The following ERICH3 variants were observed in gnomAD, a reference collection of about 807,000 sequenced individuals.
The protein encoded by ERICH3 is glutamate rich 3, also known as glutamate-rich protein 3.
In ERICH3, 126 loss-of-function variants were observed where a neutral mutation model predicts 131.1. The ratio of observed to expected loss-of-function variants is 0.96; its 90% CI spans 0.83 to 1.11. ERICH3 has a LOEUF of 1.11. ERICH3 is among the 50% of genes most tolerant of loss of function. The probability of loss-of-function intolerance (pLI) is 0.00; values close to 1 mark genes in which losing one functional copy is unlikely to be tolerated. For synonymous variants in ERICH3, 695 were observed against 644.6 expected, an observed-to-expected ratio of 1.08 and a Z score of -1.18; for missense variants, 2,050 against 1,810.7, an observed-to-expected ratio of 1.13 and a Z score of -2.40.
At chr1:74,575,306 A>C (rs1179433793) in intron 13 of ERICH3, among the ~76,000 whole-genome samples, 3 of 152,228 alleles carry the variant, frequency 2.0e-5, no homozygotes, top group Non-Finnish European at 4.4e-5. Context: ...TGTGTTTGGA[A>C]GGTAATTTGT....
Position 74,579,466 on chromosome 1 carries a change from G to A in ERICH3, c.2177-2530C>T, listed in dbSNP as rs186372032. 1.9e-4 allele frequency: 190 copies of A among 985,308 alleles called. No homozygotes were observed. The African/African-American group carries it at 2.9e-3, about 15-fold the overall frequency. The allele number at this position is 985,308 out of a possible 1,614,324, so 61.0% of individuals were successfully genotyped here. On this transcript the variant is annotated intron_variant, in intron 12 of 14. Coordinates refer to ENST00000326665, the MANE Select transcript of ERICH3 (RefSeq NM_001002912.5). Reference sequence around the variant, plus strand: ...AGGGATGTTATCACCACTTGCCCACGTCTGCTGGCTTGCCCCTGGAGGATT... The same window carrying A: ...AGGGATGTTATCACCACTTGCCCACATCTGCTGGCTTGCCCCTGGAGGATT...
intron 8 of ERICH3, 57 bp from the exon 9 acceptor site, chr1:74,612,866 T>A: frequency 7.2e-7 from 1 of 1,392,754 alleles, no homozygotes; most frequent in Non-Finnish European, 9.8e-7. Context: ...CTAACATCTG[T>A]TAAATCATGT....
rs1166914048 is a variant in ERICH3, at chr1:74,673,494, T to C, written c.23+3A>G. 6.2e-7 allele frequency: 1 copy of C among 1,612,962 alleles called. No homozygotes were observed. The highest frequency in any genetic ancestry group is 8.5e-7 in the Non-Finnish European group (1 of 1,179,642). Reference sequence around the variant, plus strand: ...GCGTGGAAAAGCTCCAGTTGTCACTTACCCAGCGGGGTGAGAATGGCTCAT... The same window carrying C: ...GCGTGGAAAAGCTCCAGTTGTCACTCACCCAGCGGGGTGAGAATGGCTCAT... On this transcript the variant is annotated splice_donor_region_variant and intron_variant, in intron 1 of 14. Transcript: ENST00000326665.
In ERICH3 at chr1:74,573,071, G is replaced by A. The variant is rs895625895; in HGVS notation, c.2639C>T (p.Ala880Val). The change falls in exon 14 of 15, where the codon GCC (alanine) becomes GTC (valine). Residue 880 changes from alanine to valine, a missense_variant. Transcript: ENST00000326665. ...LSKDEAPEKQALMLTVLETDK... is the reference protein window; with the variant it reads ...LSKDEAPEKQVLMLTVLETDK... ...TGTCTCAAGCACTGTGAGCATCAAG[G>A]CTTGCTTTTCAGGAGCCTCATCTTT... The A allele has an allele frequency of 1.9e-6, 3 of 1,614,014 alleles. No individual in the cohort carries two copies. Among genetic ancestry groups the A allele is most frequent in the African/African-American group, 2.7e-5 (2 of 74,930 alleles).
chr1:74,628,754 G>T (rs1265051930), intron 7 of ERICH3, among the ~76,000 whole-genome samples: 2 of 151,836 alleles, frequency 1.3e-5, no homozygotes, highest in African/African-American at 2.4e-5. Context: ...AGACAAAATA[G>T]ATTTTAAGAC....
chr1:74,629,925 T>C (rs1407417214), intron 7 of ERICH3, among the ~76,000 whole-genome samples: 3 of 152,030 alleles, frequency 2.0e-5, no homozygotes, highest in Non-Finnish European at 2.9e-5. Flanking sequence ...AATTAAAGAA[T>C]GATGGGGCAG....
At chr1:74,604,357 CCTT>C (rs1386220152) in intron 10 of ERICH3, among the ~76,000 whole-genome samples, 1 of 151,910 alleles carries the variant, frequency 6.6e-6, no homozygotes, top group Non-Finnish European at 1.5e-5. Flanking sequence ...AATAAAATCA[CCTT>C]CTTTCAAACT....
intron 1 of ERICH3, among the ~76,000 whole-genome samples, chr1:74,654,980 T>C (rs1282399753): frequency 6.6e-6 from 1 of 152,094 alleles, no homozygotes; most frequent in Non-Finnish European, 1.5e-5. Flanking sequence ...ATCCACCCAA[T>C]TCTCCACTAC....
intron 3 of ERICH3, among the ~76,000 whole-genome samples, chr1:74,645,048 A>G (rs1365714797): frequency 6.6e-6 from 1 of 151,800 alleles, no homozygotes; most frequent in East Asian, 1.9e-4. Context: ...GGTCTGGAAC[A>G]CCTTTCCCAC....
Position 74,572,368 on chromosome 1 carries a change from C to G in ERICH3, c.3342G>C (p.Glu1114Asp), listed in dbSNP as rs752199834. Reference sequence around the variant, plus strand: ...CCATTTCATTTGGGGGAGCTTTTGTCTCTTCCTCAGCTCTTACTTCTGTCT... The same window carrying G: ...CCATTTCATTTGGGGGAGCTTTTGTGTCTTCCTCAGCTCTTACTTCTGTCT... Reference protein sequence around the residue: ...ETETEVRAEEETKAPPNEMGS... With the variant: ...ETETEVRAEEDTKAPPNEMGS... The change falls in exon 14 of 15, where the codon GAG becomes GAC. Residue 1114 changes from glutamate (E) to aspartate (D), a missense_variant. Physicochemically the swap from Glu to Asp is conservative, Grantham distance 45. Transcript: ENST00000326665. 1 of 1,613,766 alleles carries G rather than the reference C, an allele frequency of 6.2e-7. No homozygotes were observed. Among genetic ancestry groups the G allele is most frequent in the South Asian group, 1.1e-5 (1 of 91,070 alleles).
chr1:74,597,441 T>G (rs902574389), intron 11 of ERICH3, among the ~76,000 whole-genome samples: 1 of 151,774 alleles, frequency 6.6e-6, no homozygotes, highest in African/African-American at 2.4e-5. Context: ...CAAAAGAAAA[T>G]AGCTAGCCAA....
At chr1:74,594,108 G>A (rs1481328977) in intron 11 of ERICH3, among the ~76,000 whole-genome samples, 1 of 152,018 alleles carries the variant, frequency 6.6e-6, no homozygotes, top group Non-Finnish European at 1.5e-5. Context: ...AAAATATTCT[G>A]AGGCACAGAA....
At chr1:74,638,951 G>A (rs773485246) in intron 5 of ERICH3, among the ~76,000 whole-genome samples, 57 of 152,108 alleles carry the variant, frequency 3.7e-4, no homozygotes, top group Admixed American at 9.2e-4. Flanking sequence ...AGATGGGGAG[G>A]AGACCCTTTT....
intron 11 of ERICH3, among the ~76,000 whole-genome samples, chr1:74,593,748 C>G (rs1647715222): frequency 6.6e-6 from 1 of 152,096 alleles, no homozygotes; most frequent in Admixed American, 6.6e-5. Flanking sequence ...TAATAATTAT[C>G]TTCTATTTTG....
At chr1:74,622,879 C>T (rs1362876768) in intron 7 of ERICH3, 1 of 152,130 alleles carries the variant, frequency 6.6e-6, no homozygotes, top group Admixed American at 6.5e-5. Flanking sequence ...TCTCTTTTCT[C>T]TTGGGTCTCA....
In ERICH3 at chr1:74,589,789, G is replaced by A. The variant is rs200467702; in HGVS notation, c.2018C>T (p.Thr673Met). The part of the protein sequence containing the change: ...ESFENVLKEG[T>M]EKGTQEIAEG... ...TGCAATCTCTTGGGTTCCTTTCTCC[G>A]TTCCTTCTTTAAGAACATTCTCAAA... Residue 673 changes from threonine (T) to methionine (M), a missense_variant, in exon 12 of 15, where the codon ACG becomes ATG. Thr to Met is a moderately conservative substitution (Grantham distance 81). Transcript: ENST00000326665. 38 of 1,613,802 alleles carry A rather than the reference G, an allele frequency of 2.4e-5. No individual in the cohort carries two copies. The highest frequency in any genetic ancestry group is 7.7e-5 in the South Asian group (7 of 91,088).
In ERICH3 at chr1:74,571,482, G is replaced by A. The variant is rs777337160; in HGVS notation, c.4228C>T (p.Arg1410Trp). ...AGKVVVEELA[R>W]SGEEVPAAEE... ...GCTGCTGGCACTTCCTCCCCACTCC[G>A]TGCTAATTCCTCTACCACCACCTTC... Residue 1410 changes from arginine to tryptophan, a missense_variant, in exon 14 of 15, where the codon CGG (arginine) becomes TGG (tryptophan). Arg to Trp is a moderately radical substitution (Grantham distance 101, BLOSUM62 -3). Transcript: ENST00000326665. The A allele has an allele frequency of 1.2e-6, 2 of 1,614,000 alleles. No individual in the cohort carries two copies. The highest frequency in any genetic ancestry group is 4.5e-5 in the East Asian group (2 of 44,834).
intron 11 of ERICH3, among the ~76,000 whole-genome samples, chr1:74,597,788 AAC>A (rs1394319721): frequency 6.6e-6 from 1 of 152,036 alleles, no homozygotes; most frequent in Non-Finnish European, 1.5e-5. Context: ...CTTAAAAGTA[AAC>A]CTAAATCTAA....
intron 8 of ERICH3, among the ~76,000 whole-genome samples, chr1:74,615,674 G>A (rs1296039788): frequency 6.6e-6 from 1 of 152,106 alleles, no homozygotes; most frequent in African/African-American, 2.4e-5. Context: ...AAGAATTAAA[G>A]GCTTAAAACA....
Sources: allele counts gnomAD v4.1 joint callset (sites outside exome capture counted in the v4.1 genomes callset), GRCh38; gene constraint gnomAD v4.1.1; transcripts MANE v1.5; gene names NCBI Gene and HGNC (gene_info 2026-07-23, HGNC 2026-07-21).